The following PDE4D variants were observed in gnomAD, a reference collection of about 807,000 sequenced individuals.
The protein encoded by PDE4D is 3',5'-cyclic-AMP phosphodiesterase 4D.
A neutral mutation model predicts 87.4 loss-of-function variants in PDE4D; 24 were observed. The ratio of observed to expected loss-of-function variants is 0.27; its 90% CI spans 0.20 to 0.39. The LOEUF (loss-of-function observed/expected upper bound fraction) is 0.39, where lower values mean the gene tolerates loss of function less well. Among genes scored for constraint, PDE4D ranks in the 10% least tolerant of loss-of-function variants. PDE4D has a pLI of 1.00. For synonymous variants in PDE4D, 384 were observed against 383.2 expected (o/e 1.00, Z -0.02); for missense variants, 714 against 1,041.0 (o/e 0.69, Z 4.32).
chr5:59,480,333 TA>T (rs953449370), intron 1 of PDE4D, among the ~76,000 whole-genome samples: 3 of 152,160 alleles, frequency 2.0e-5, no homozygotes, highest in African/African-American at 7.2e-5. Flanking sequence ...GGAAAGTATA[TA>T]TTTTTATTTG....
intron 1 of PDE4D, among the ~76,000 whole-genome samples, chr5:59,564,357 T>G (rs560047310): frequency 6.6e-6 from 1 of 152,178 alleles, no homozygotes; most frequent in Non-Finnish European, 1.5e-5. Context: ...TCAAGCTGAC[T>G]GGGTAGGTAA....
intron 1 of PDE4D, among the ~76,000 whole-genome samples, chr5:59,561,574 C>A (rs73761539): frequency 0.013 from 1,987 of 152,146 alleles, 47 homozygotes; most frequent in African/African-American, 0.044. Context: ...AGAGGGTGTA[C>A]ATTTATTCTA....
At chr5:59,149,340 C>A (rs1779122170) in intron 5 of PDE4D, among the ~76,000 whole-genome samples, 1 of 152,156 alleles carries the variant, frequency 6.6e-6, no homozygotes, top group African/African-American at 2.4e-5. Context: ...GGACCAGGTT[C>A]TTTCAGGTGC....
At chr5:60,396,558 G>A (rs530395525) in intron 1 of PDE4D, among the ~76,000 whole-genome samples, 8 of 151,614 alleles carry the variant, frequency 5.3e-5, no homozygotes, top group Admixed American at 6.6e-5. Flanking sequence ...CTCTGTTGTC[G>A]AGGCTAGAGT....
chr5:60,231,574 G>A (rs1745815308), intron 1 of PDE4D, among the ~76,000 whole-genome samples: 1 of 151,882 alleles, frequency 6.6e-6, no homozygotes, highest in African/African-American at 2.4e-5. Context: ...CTTGCAACCA[G>A]TATGTCCAAT....
intron 2 of PDE4D, among the ~76,000 whole-genome samples, chr5:59,199,986 A>G (rs1746452456): frequency 6.6e-6 from 1 of 151,458 alleles, no homozygotes; most frequent in African/African-American, 2.4e-5. Flanking sequence ...ACATATATAC[A>G]CATGCATACA....
chr5:59,013,615 T>C (rs1383169798), intron 6 of PDE4D, among the ~76,000 whole-genome samples: 3 of 152,156 alleles, frequency 2.0e-5, no homozygotes, highest in African/African-American at 7.2e-5. Context: ...AATCCCTGAA[T>C]AGACCAATAA....
intron 1 of PDE4D, among the ~76,000 whole-genome samples, chr5:59,729,144 C>A (rs1381925892): frequency 6.6e-6 from 1 of 152,044 alleles, no homozygotes; most frequent in Admixed American, 6.6e-5. Context: ...CAGAATAATT[C>A]CAGGAAGCAT....
intron 1 of PDE4D, among the ~76,000 whole-genome samples, chr5:59,295,740 G>A: frequency 6.6e-6 from 1 of 151,888 alleles, no homozygotes; most frequent in East Asian, 1.9e-4. Context: ...TTAAAATGGC[G>A]GCTCTCAGAG....
chr5:60,043,251 AGAAT>A (rs1469359388), intron 2 of PDE4D, among the ~76,000 whole-genome samples: 6 of 151,990 alleles, frequency 3.9e-5, no homozygotes, highest in Admixed American at 1.3e-4. Context: ...TAGAGAAAAA[AGAAT>A]GAAAGGGAAA....
chr5:59,030,521 T>C (rs1013936714), intron 6 of PDE4D, among the ~76,000 whole-genome samples: 1 of 150,446 alleles, frequency 6.6e-6, no homozygotes, highest in African/African-American at 2.4e-5. Context: ...AGGAGATCAC[T>C]TGAGGCCAGG....
intron 6 of PDE4D, among the ~76,000 whole-genome samples, chr5:59,001,404 G>C (rs961010401): frequency 4.6e-5 from 7 of 152,080 alleles, no homozygotes; most frequent in African/African-American, 1.7e-4. Flanking sequence ...GTAACACTGT[G>C]TCTCTCTGAG....
chr5:60,049,321 G>C (rs1769772568), intron 2 of PDE4D, among the ~76,000 whole-genome samples: 1 of 152,030 alleles, frequency 6.6e-6, no homozygotes, highest in South Asian at 2.1e-4. Context: ...ATGTCCTCCA[G>C]TACCTCAGCG....
chr5:59,154,655 G>A (rs1554082516), intron 5 of PDE4D, among the ~76,000 whole-genome samples: 1 of 152,160 alleles, frequency 6.6e-6, no homozygotes, highest in Admixed American at 6.5e-5. Flanking sequence ...GGAGGCCAAG[G>A]CAGGAGGATC....
At chr5:59,051,825 T>C (rs1580531077) in intron 5 of PDE4D, among the ~76,000 whole-genome samples, 1 of 152,342 alleles carries the variant, frequency 6.6e-6, no homozygotes, top group South Asian at 2.1e-4. Context: ...AACAAATACA[T>C]GTGTTTAGTA....
intron 2 of PDE4D, among the ~76,000 whole-genome samples, chr5:60,016,252 G>T (rs1220321669): frequency 6.6e-6 from 1 of 152,092 alleles, no homozygotes; most frequent in African/African-American, 2.4e-5. Flanking sequence ...TAATGGCATT[G>T]TAACTAAAAA....
chr5:58,999,042 G>A (rs1244116805), intron 6 of PDE4D, among the ~76,000 whole-genome samples: 2 of 152,008 alleles, frequency 1.3e-5, no homozygotes, highest in Non-Finnish European at 2.9e-5. Context: ...TGTCACCTAG[G>A]GCTTTATAGC....
chr5:60,241,354 AC>A (rs1403565316), intron 1 of PDE4D, among the ~76,000 whole-genome samples: 1 of 132,934 alleles, frequency 7.5e-6, no homozygotes, highest in Non-Finnish European at 1.5e-5. Flanking sequence ...GCTCACTGCC[AC>A]CTCTGCCTCC....
chr5:60,439,808 A>ACT (rs1745049672), intron 1 of PDE4D, among the ~76,000 whole-genome samples: 1 of 151,682 alleles, frequency 6.6e-6, no homozygotes. Flanking sequence ...CTCTGCTTTC[A>ACT]CTCATCTTCC....
Sources: allele counts gnomAD v4.1 joint callset (sites outside exome capture counted in the v4.1 genomes callset), GRCh38; gene constraint gnomAD v4.1.1; transcripts MANE v1.5; gene names NCBI Gene and HGNC (gene_info 2026-07-23, HGNC 2026-07-21).